The following CD247 variants were observed in gnomAD, a reference collection of about 807,000 sequenced individuals.
CD247 encodes CD247 molecule, also known as T-cell surface glycoprotein CD3 zeta chain.
A neutral mutation model predicts 30.0 loss-of-function variants in CD247; 13 were observed. That is an observed-to-expected ratio of 0.43 (90% CI 0.28 to 0.69). The LOEUF is 0.69. Among genes scored for constraint, CD247 ranks in the 30% least tolerant of loss-of-function variants. The pLI, the probability that CD247 is intolerant of heterozygous loss-of-function variation, is 0.16. For synonymous variants in CD247, 72 were observed against 80.0 expected (o/e 0.90, Z 0.53); for missense variants, 193 against 212.6 (o/e 0.91, Z 0.57).
rs574956623 is a variant in CD247, at chr1:167,440,375, C to A, written c.162+289G>T. On this transcript the variant is annotated intron_variant, in intron 2 of 7. Coordinates refer to ENST00000362089, the MANE Select transcript of CD247 (RefSeq NM_198053.3). ...TCTGCCTGAGTGTAAGCCCCTTTGT[C>A]ACCAGTAGCATCGCCTTCCCTGGGA... The A allele has an allele frequency of 1.9e-5, 9 of 479,752 alleles. No individual in the cohort carries two copies. The East Asian group carries it at 3.6e-4, about 19-fold the overall frequency. The allele number at this position is 479,752 out of a possible 1,614,324, so 29.7% of individuals were successfully genotyped here. A position where few individuals can be genotyped will look rare whatever the true frequency, so the allele number is the denominator to read the frequency against.
Position 167,452,655 on chromosome 1 carries a change from C to T in CD247, c.59-11888G>A, listed in dbSNP as rs572269930. Among the ~76,000 whole-genome samples the T allele has an allele frequency of 9.2e-5, 14 of 152,174 alleles. No homozygotes were observed. The South Asian group carries it at 2.9e-3, about 32-fold the overall frequency. ...CCGAGCAGAGAGGTGGGCAAGGAAA[C>T]AAATCATCCCACGAGAGAGGGGCAC... On this transcript the variant is annotated intron_variant, in intron 1 of 7. Transcript: ENST00000362089.
chr1:167,475,275 C>G (rs1653698987), intron 1 of CD247, among the ~76,000 whole-genome samples: 1 of 152,154 alleles, frequency 6.6e-6, no homozygotes, highest in African/African-American at 2.4e-5. Context: ...CAACGATGAT[C>G]AGCTCACGGC....
In CD247 at chr1:167,474,845, C is replaced by T. The variant is rs184582522; in HGVS notation, c.59-34078G>A. Among the ~76,000 whole-genome samples, 15 of 151,142 alleles carry T rather than the reference C, an allele frequency of 9.9e-5. 1 individual carries two copies. The East Asian group carries it at 2.5e-3, about 25-fold the overall frequency. On this transcript the variant is annotated intron_variant, in intron 1 of 7. Coordinates refer to ENST00000362089, the MANE Select transcript of CD247 (RefSeq NM_198053.3). ...TCCACTCACTGCAACCTCTGCCTCC[C>T]GAGTTCAAGCGATTCTCCTGCCTCA...
chr1:167,470,694 T>C (rs139470672), intron 1 of CD247, among the ~76,000 whole-genome samples: 2 of 151,948 alleles, frequency 1.3e-5, no homozygotes, highest in African/African-American at 4.8e-5. Flanking sequence ...TGTGTTTGTT[T>C]GATTTTTCTT....
At chr1:167,516,455 T>A (rs1655608241) in intron 1 of CD247, among the ~76,000 whole-genome samples, 1 of 152,190 alleles carries the variant, frequency 6.6e-6, no homozygotes, top group African/African-American at 2.4e-5. Flanking sequence ...GTAGACATTT[T>A]AAAAGGGATG....
At chr1:167,492,603 C>T (rs1039142851) in intron 1 of CD247, among the ~76,000 whole-genome samples, 5 of 152,324 alleles carry the variant, frequency 3.3e-5, no homozygotes, top group Middle Eastern at 3.4e-3. Flanking sequence ...CTGCTGTCTT[C>T]GGCTTCGATT....
chr1:167,439,557 G>T, intron 2 of CD247, 157 bp from the exon 3 acceptor site: 1 of 660,286 alleles, frequency 1.5e-6, no homozygotes, highest in South Asian at 1.7e-5. Flanking sequence ...TGCAGGGGCC[G>T]GGGCGTGGCA....
intron 1 of CD247, among the ~76,000 whole-genome samples, chr1:167,511,045 G>C (rs896098657): frequency 6.6e-6 from 1 of 152,164 alleles, no homozygotes; most frequent in African/African-American, 2.4e-5. Context: ...ACAAGGATTT[G>C]CACTACCTGC....
At chr1:167,513,674 T>A (rs1655487004) in intron 1 of CD247, among the ~76,000 whole-genome samples, 1 of 152,232 alleles carries the variant, frequency 6.6e-6, no homozygotes, top group Non-Finnish European at 1.5e-5. Context: ...TAGTTAACAA[T>A]CTCCAACAGT....
intron 1 of CD247, among the ~76,000 whole-genome samples, chr1:167,481,199 A>G (rs781474993): frequency 1.3e-5 from 2 of 152,162 alleles, no homozygotes; most frequent in Non-Finnish European, 2.9e-5. Flanking sequence ...AGGTGGGAGG[A>G]TCACTTAAGC....
chr1:167,515,152 A>G (rs1655548166), intron 1 of CD247, among the ~76,000 whole-genome samples: 1 of 152,202 alleles, frequency 6.6e-6, no homozygotes, highest in African/African-American at 2.4e-5. Flanking sequence ...GGGCGAAACA[A>G]TCTGATGGTG....
chr1:167,442,631 G>A (rs1351476382), intron 1 of CD247, among the ~76,000 whole-genome samples: 2 of 152,188 alleles, frequency 1.3e-5, no homozygotes, highest in Non-Finnish European at 2.9e-5. Context: ...CCTGCCCCTG[G>A]GCCAGCCCTG....
intron 1 of CD247, among the ~76,000 whole-genome samples, chr1:167,492,757 G>A (rs1300033195): frequency 6.6e-6 from 1 of 152,274 alleles, no homozygotes; most frequent in African/African-American, 2.4e-5. Context: ...ACCAGGGTAG[G>A]TGTGTGGGAG....
At chr1:167,506,881 T>C (rs1479409496) in intron 1 of CD247, among the ~76,000 whole-genome samples, 5 of 149,664 alleles carry the variant, frequency 3.3e-5, no homozygotes, top group Non-Finnish European at 7.4e-5. Flanking sequence ...GCTTATTGTA[T>C]GTTCCCTCTG....
intron 1 of CD247, among the ~76,000 whole-genome samples, chr1:167,502,693 A>G (rs1654962613): frequency 6.6e-6 from 1 of 152,304 alleles, no homozygotes; most frequent in Non-Finnish European, 1.5e-5. Context: ...GTGGGCTCTA[A>G]TCCAATATGA....
At chr1:167,492,097 G>A (rs1654477419) in intron 1 of CD247, among the ~76,000 whole-genome samples, 1 of 152,142 alleles carries the variant, frequency 6.6e-6, no homozygotes, top group South Asian at 2.1e-4. Flanking sequence ...ACTCAACTGT[G>A]CGCTTAAACA....
intron 1 of CD247, among the ~76,000 whole-genome samples, chr1:167,464,834 AAGAAT>A (rs1273153348): frequency 6.6e-6 from 1 of 152,206 alleles, no homozygotes; most frequent in Non-Finnish European, 1.5e-5. Flanking sequence ...AAAGGGAAAG[AAGAAT>A]AGAAGTACAG....
In CD247 at chr1:167,430,915, C is replaced by T. The variant is rs970701329; in HGVS notation, c.*766G>A. On this transcript the variant is annotated 3_prime_UTR_variant, in exon 8 of 8. Coordinates refer to ENST00000362089, the MANE Select transcript of CD247 (RefSeq NM_198053.3). Reference sequence around the variant, plus strand: ...AAGCGTGAAGTGAATCAACGGCCTCCTCTTGCTCCGCAGCACTTTATTCAC... The same window carrying T: ...AAGCGTGAAGTGAATCAACGGCCTCTTCTTGCTCCGCAGCACTTTATTCAC... 1 of 398,700 alleles carries T rather than the reference C, an allele frequency of 2.5e-6. No homozygotes were observed. Among genetic ancestry groups the T allele is most frequent in the African/African-American group, 2.1e-5 (1 of 48,650 alleles). The allele number at this position is 398,700 out of a possible 1,614,324, so 24.7% of individuals were successfully genotyped here. A position where few individuals can be genotyped will look rare whatever the true frequency, so the allele number is the denominator to read the frequency against.
intron 1 of CD247, among the ~76,000 whole-genome samples, chr1:167,446,453 G>T: frequency 6.6e-6 from 1 of 152,320 alleles, no homozygotes; most frequent in Non-Finnish European, 1.5e-5. Context: ...CTCTCTGAGC[G>T]TCAATTCTCC....
Sources: gnomAD v4.1 joint callset for allele counts (sites outside exome capture counted in the v4.1 genomes callset) on GRCh38, gnomAD v4.1.1 for gene constraint, MANE v1.5 for transcripts, NCBI Gene and HGNC (gene_info 2026-07-23, HGNC 2026-07-21) for gene names.